Variants in GABRG3 observed in about 807,000 individuals in gnomAD.
The protein encoded by GABRG3 is gamma-aminobutyric acid receptor subunit gamma-3.
Under a neutral mutation model 48.8 loss-of-function variants are expected in GABRG3, and 25 were observed. That is an observed-to-expected ratio of 0.51 (90% CI 0.37 to 0.72). The LOEUF (loss-of-function observed/expected upper bound fraction) is 0.72, where lower values mean the gene tolerates loss of function less well. Ranked by LOEUF, GABRG3 falls within the 30% of genes least tolerant of loss-of-function variation. The pLI, the probability that GABRG3 is intolerant of heterozygous loss-of-function variation, is 0.00. For synonymous variants in GABRG3, 227 were observed against 217.6 expected (o/e 1.04, Z -0.38); for missense variants, 394 against 577.9 (o/e 0.68, Z 3.26).
chr15:27,465,571 G>C (rs570288565), intron 5 of GABRG3, among the ~76,000 whole-genome samples: 1 of 152,326 alleles, frequency 6.6e-6, no homozygotes, highest in South Asian at 2.1e-4. Flanking sequence ...TGAAAGGCCA[G>C]ATGATTTCGT....
chr15:27,183,106 A>C (rs997589398), intron 3 of GABRG3, among the ~76,000 whole-genome samples: 1 of 152,034 alleles, frequency 6.6e-6, no homozygotes, highest in Non-Finnish European at 1.5e-5. Flanking sequence ...TATTTTACAG[A>C]TGACTTTTTT....
chr15:27,409,043 T>C (rs75289441), intron 5 of GABRG3, among the ~76,000 whole-genome samples: 6,961 of 152,216 alleles, frequency 0.046, 186 homozygotes, highest in Middle Eastern at 0.12. Flanking sequence ...TTTTTTTTTC[T>C]AAATATGTCT....
intron 2 of GABRG3, among the ~76,000 whole-genome samples, chr15:27,011,872 A>C: frequency 6.6e-6 from 1 of 150,998 alleles, no homozygotes; most frequent in African/African-American, 2.4e-5. Flanking sequence ...AAGATCTACA[A>C]TTCTAATTCA....
In GABRG3 at chr15:27,199,831, A is replaced by C. The variant is rs1345753083; in HGVS notation, c.271-126978A>C. On this transcript the variant is annotated intron_variant, in intron 3 of 9. Coordinates refer to ENST00000615808, the MANE Select transcript of GABRG3 (RefSeq NM_033223.5). Reference sequence around the variant, plus strand: ...AATGGACTAAGAAACTTACCCTTTAAATTTTTGTGGCTGGTTTGTATTTTG... The same window carrying C: ...AATGGACTAAGAAACTTACCCTTTACATTTTTGTGGCTGGTTTGTATTTTG... 2.0e-5 allele frequency among the ~76,000 whole-genome samples: 3 copies of C among 152,024 alleles called. No individual in the cohort carries two copies. In the East Asian group the frequency reaches 5.8e-4, roughly 29 times the overall value.
At chr15:27,133,275 T>C (rs565985324) in intron 3 of GABRG3, among the ~76,000 whole-genome samples, 4 of 152,348 alleles carry the variant, frequency 2.6e-5, no homozygotes, top group African/African-American at 4.8e-5. Context: ...GAAGTTAAGA[T>C]GTTTTTAAAT....
intron 3 of GABRG3, among the ~76,000 whole-genome samples, chr15:27,291,519 A>G (rs1166697894): frequency 6.6e-6 from 1 of 152,192 alleles, no homozygotes; most frequent in Non-Finnish European, 1.5e-5. Context: ...AAATCCATCA[A>G]AGTGGCAGCA....
At chr15:27,480,561 C>T in intron 5 of GABRG3, 89 bp from the exon 6 acceptor site, 1 of 1,235,882 alleles carries the variant, frequency 8.1e-7, no homozygotes, top group Non-Finnish European at 1.1e-6. Flanking sequence ...CTCCTAACTC[C>T]TGTAATTCAT....
rs559156882 is a variant in GABRG3, at chr15:27,319,717, G to C, written c.271-7092G>C. Among the ~76,000 whole-genome samples, 71 of 152,212 alleles carry C rather than the reference G, an allele frequency of 4.7e-4. No individual in the cohort carries two copies. Among genetic ancestry groups the C allele is most frequent in the African/African-American group, 1.7e-3 (70 of 41,522 alleles). ...CTGTGCCGGGATGTTGTACCAATGC[G>C]TGCACCATGGTGGCTATAGTAACGG... On this transcript the variant is annotated intron_variant, in intron 3 of 9. Coordinates refer to ENST00000615808, the MANE Select transcript of GABRG3 (RefSeq NM_033223.5). This position sits in a 1 kb window ranked among gnomAD's most constrained non-coding sequence, Gnocchi z 4.4.
rs940988105 is a variant in GABRG3 at position 27,332,459 on chromosome 15, G to A, written c.574+3571G>A. Among the ~76,000 whole-genome samples, 6 of 152,054 alleles carry A rather than the reference G, an allele frequency of 3.9e-5. No homozygotes were observed. The South Asian group carries it at 6.2e-4, about 16-fold the overall frequency. On this transcript the variant is annotated intron_variant, in intron 5 of 9. Transcript: ENST00000615808. ...TGAGGCAGAAGAATCGCTTGAACCC[G>A]GGAGGCAGAGGTTGCAGTGAGCCGA...
At chr15:27,420,830 A>T (rs1888090939) in intron 5 of GABRG3, 2 of 152,226 alleles carry the variant, frequency 1.3e-5, no homozygotes, top group African/African-American at 4.8e-5. Flanking sequence ...TAAAAAGTTT[A>T]GTTAAAAAAT....
At chr15:27,131,132 T>G (rs1049409373) in intron 3 of GABRG3, among the ~76,000 whole-genome samples, 1 of 152,102 alleles carries the variant, frequency 6.6e-6, no homozygotes, top group Admixed American at 6.5e-5. Flanking sequence ...GAGGAAAAGC[T>G]TTCAGTCATT....
intron 5 of GABRG3, among the ~76,000 whole-genome samples, chr15:27,445,578 T>C (rs1200933794): frequency 6.6e-6 from 1 of 152,246 alleles, no homozygotes; most frequent in Non-Finnish European, 1.5e-5. Context: ...ATGTCCTATA[T>C]AGAAGTCCCT....
At chr15:27,145,072 A>C (rs1341559830) in intron 3 of GABRG3, among the ~76,000 whole-genome samples, 1 of 152,200 alleles carries the variant, frequency 6.6e-6, no homozygotes, top group Non-Finnish European at 1.5e-5. Flanking sequence ...ACATTATGTT[A>C]CTTGAAATGT....
chr15:27,464,632 T>C (rs1373094992), intron 5 of GABRG3, among the ~76,000 whole-genome samples: 2 of 152,172 alleles, frequency 1.3e-5, no homozygotes, highest in African/African-American at 2.4e-5. Flanking sequence ...ATACTGTACT[T>C]CCTTGTTAAA....
chr15:26,983,316 C>T (rs1006675035), intron 2 of GABRG3, among the ~76,000 whole-genome samples: 3 of 152,024 alleles, frequency 2.0e-5, no homozygotes, highest in South Asian at 4.1e-4. Context: ...TTTACACCCC[C>T]GACCCTGGTA....
At chr15:27,470,474 C>A (rs1240060751) in intron 5 of GABRG3, among the ~76,000 whole-genome samples, 1 of 151,696 alleles carries the variant, frequency 6.6e-6, no homozygotes, top group Non-Finnish European at 1.5e-5. Flanking sequence ...CTCAGGCAAT[C>A]CACTCACCTC....
At chr15:27,472,162 TG>T (rs912373180) in intron 5 of GABRG3, among the ~76,000 whole-genome samples, 6 of 152,166 alleles carry the variant, frequency 3.9e-5, no homozygotes, top group Middle Eastern at 3.2e-3. Context: ...AGGATTTGAA[TG>T]TTTTTTTTTA....
intron 5 of GABRG3, among the ~76,000 whole-genome samples, chr15:27,357,095 T>C (rs1377140156): frequency 6.6e-6 from 1 of 152,208 alleles, no homozygotes; most frequent in African/African-American, 2.4e-5. Context: ...GGGGACTGCA[T>C]TGGGCTGCAC....
At chr15:27,014,875 C>T (rs1385660824) in intron 2 of GABRG3, among the ~76,000 whole-genome samples, 1 of 152,146 alleles carries the variant, frequency 6.6e-6, no homozygotes, top group Non-Finnish European at 1.5e-5. Context: ...TTGAAGTCTC[C>T]TACTATTATC....
Sources: gnomAD v4.1 joint callset for allele counts (sites outside exome capture counted in the v4.1 genomes callset) on GRCh38, gnomAD v4.1.1 for gene constraint, Gnocchi (gnomAD v3.1) non-coding constraint, MANE v1.5 for transcripts, NCBI Gene and HGNC (gene_info 2026-07-23, HGNC 2026-07-21) for gene names.